The following SLIT2 variants were observed in gnomAD, a reference collection of about 807,000 sequenced individuals.
SLIT2 encodes the protein slit guidance ligand 2.
In SLIT2, 41 loss-of-function variants were observed where a neutral mutation model predicts 185.7. The ratio of observed to expected loss-of-function variants is 0.22; its 90% confidence interval spans 0.17 to 0.29. SLIT2 has a LOEUF of 0.29. Among genes scored for constraint, SLIT2 ranks in the 10% least tolerant of loss-of-function variants. The pLI, the probability that SLIT2 is intolerant of heterozygous loss-of-function variation, is 1.00. For synonymous variants in SLIT2, 693 were observed against 680.2 expected (o/e 1.02, Z -0.29); for missense variants, 1,571 against 1,909.0 (o/e 0.82, Z 3.30).
intron 4 of SLIT2, among the ~76,000 whole-genome samples, chr4:20,415,771 T>G (rs1016307772): frequency 2.0e-5 from 3 of 152,220 alleles, no homozygotes; most frequent in Non-Finnish European, 4.4e-5. Flanking sequence ...AGTTCATATG[T>G]AGAGTGATTC....
At chr4:20,312,771 C>CAAA (rs34372893) in intron 4 of SLIT2, among the ~76,000 whole-genome samples, 118 of 101,884 alleles carry the variant, frequency 1.2e-3, no homozygotes, top group African/African-American at 1.5e-3. Context: ...GACTTTGTCT[C>CAAA]AAAAAAAAAA....
At chr4:20,271,421 A>T (rs1713593378) in intron 4 of SLIT2, among the ~76,000 whole-genome samples, 2 of 146,894 alleles carry the variant, frequency 1.4e-5, no homozygotes, top group African/African-American at 4.9e-5. Context: ...TATACATAGT[A>T]TATATTTATA....
intron 4 of SLIT2, among the ~76,000 whole-genome samples, chr4:20,303,906 A>G (rs1397750776): frequency 6.6e-6 from 1 of 152,286 alleles, no homozygotes. Context: ...TAGGAGATGA[A>G]CCTTGGAAGG....
chr4:20,280,337 A>G lies in SLIT2; in HGVS notation c.395+11456A>G, dbSNP rs1319032710. ...GACAGAGCGAGACTCTGTCTCAAAA[A>G]AAAAAAAAAAAAAAGAACAACAACA... On this transcript the variant is annotated intron_variant, in intron 4 of 36. Transcript: ENST00000504154. 1.6e-4 allele frequency among the ~76,000 whole-genome samples: 24 copies of G among 151,030 alleles called. No individual in the cohort carries two copies. In the East Asian group the frequency reaches 4.1e-3, roughly 26 times the overall value.
chr4:20,472,126 T>A (rs535038492), intron 5 of SLIT2, among the ~76,000 whole-genome samples: 169 of 148,708 alleles, frequency 1.1e-3, no homozygotes, highest in African/African-American at 3.8e-3. Flanking sequence ...AAAACAAATA[T>A]GAATTAAGTA....
At chr4:20,539,270 C>A (rs1440515462) in intron 18 of SLIT2, among the ~76,000 whole-genome samples, 171 bp from the exon 19 acceptor site, 1 of 152,166 alleles carries the variant, frequency 6.6e-6, no homozygotes, top group Admixed American at 6.5e-5. Flanking sequence ...GCATTTTATT[C>A]TTGCAAGATA....
intron 4 of SLIT2, among the ~76,000 whole-genome samples, chr4:20,417,974 A>T (rs1246367185): frequency 6.6e-6 from 1 of 152,144 alleles, no homozygotes; most frequent in Non-Finnish European, 1.5e-5. Context: ...TCACCTTGTT[A>T]AATTTTCAGC....
At chr4:20,438,413 T>A (rs2148695556) in intron 4 of SLIT2, among the ~76,000 whole-genome samples, 1 of 152,274 alleles carries the variant, frequency 6.6e-6, no homozygotes, top group South Asian at 2.1e-4. Context: ...AGAGAGTTTG[T>A]GTGGCGAAAT....
intron 4 of SLIT2, among the ~76,000 whole-genome samples, chr4:20,410,972 G>A (rs151331389): frequency 2.0e-5 from 3 of 152,056 alleles, no homozygotes; most frequent in Admixed American, 6.6e-5. Context: ...TAGTTTAATA[G>A]GAATAGCATT....
intron 34 of SLIT2, 149 bp downstream of exon 34, chr4:20,610,316 G>A: frequency 1.6e-6 from 1 of 641,766 alleles, no homozygotes; most frequent in Admixed American, 3.5e-5. Flanking sequence ...AGACAGAACA[G>A]AAAGATCTCT....
intron 4 of SLIT2, among the ~76,000 whole-genome samples, chr4:20,346,851 G>A (rs1284760697): frequency 1.3e-5 from 2 of 152,250 alleles, no homozygotes; most frequent in Non-Finnish European, 2.9e-5. Context: ...GATGAAGACC[G>A]GAAGGATCAG....
chr4:20,395,356 CAGGTA>C (rs1423797861), intron 4 of SLIT2, among the ~76,000 whole-genome samples: 2 of 152,026 alleles, frequency 1.3e-5, no homozygotes, highest in Admixed American at 1.3e-4. Context: ...GCTGTTTTGT[CAGGTA>C]CCTGCAGGGG....
rs1716601432 is a variant in SLIT2 at position 20,480,593 on chromosome 4, G to T, written c.468-123G>T. On this transcript the variant is annotated intron_variant, in intron 5 of 36. Coordinates refer to ENST00000504154, the MANE Select transcript of SLIT2 (RefSeq NM_004787.4). ...TTATGACATTCGTAAGCAGATGAGT[G>T]TGTTTGTGAGGGCACTTCAGTGAGT... is the stretch of plus-strand genomic sequence containing the variant. 8 of 656,598 alleles carry T rather than the reference G, an allele frequency of 1.2e-5. No homozygotes were observed. In the South Asian group the frequency reaches 1.5e-4, roughly 12 times the overall value. The allele number at this position is 656,598 out of a possible 1,614,324, so 40.7% of individuals were successfully genotyped here. A position where few individuals can be genotyped will look rare whatever the true frequency, so the allele number is the denominator to read the frequency against.
At chr4:20,282,893 TA>T (rs1235605432) in intron 4 of SLIT2, among the ~76,000 whole-genome samples, 4 of 152,194 alleles carry the variant, frequency 2.6e-5, no homozygotes, top group South Asian at 2.1e-4. Context: ...TGACATATAT[TA>T]TTTTTTTTGT....
chr4:20,329,366 G>T (rs781655176), intron 4 of SLIT2, among the ~76,000 whole-genome samples: 12 of 151,814 alleles, frequency 7.9e-5, no homozygotes, highest in Non-Finnish European at 1.3e-4. Context: ...TAAAATATAT[G>T]ATTTATAATC....
At chr4:20,455,423 A>C (rs1017536127) in intron 4 of SLIT2, among the ~76,000 whole-genome samples, 4 of 152,184 alleles carry the variant, frequency 2.6e-5, no homozygotes, top group Non-Finnish European at 4.4e-5. Flanking sequence ...CTCTTATTAC[A>C]CTAAGAAATA....
At chr4:20,309,280 A>G (rs1243117956) in intron 4 of SLIT2, among the ~76,000 whole-genome samples, 4 of 152,158 alleles carry the variant, frequency 2.6e-5, no homozygotes, top group Admixed American at 2.6e-4. Context: ...TTAAATAAGA[A>G]CACCAATTAT....
At chr4:20,516,032 G>A (rs1373533847) in intron 11 of SLIT2, among the ~76,000 whole-genome samples, 3 of 152,200 alleles carry the variant, frequency 2.0e-5, no homozygotes, top group Non-Finnish European at 4.4e-5. Context: ...GGCCAGGCTG[G>A]TCTTGAACTC....
chr4:20,441,290 G>A lies in SLIT2; in HGVS notation c.396-26462G>A, dbSNP rs13136925. On this transcript the variant is annotated intron_variant, in intron 4 of 36. Transcript: ENST00000504154. ...TAAGCTCATACATTTCGTGCTTGTG[G>A]CACAGGATACTGTTTTCTTAACATC... Among the ~76,000 whole-genome samples the A allele has an allele frequency of 4.1e-3, 621 of 152,170 alleles. 1 individual carries two copies. Among genetic ancestry groups the A allele is most frequent in the Non-Finnish European group, 6.6e-3 (448 of 68,018 alleles).
Sources: gnomAD v4.1 joint callset for allele counts (sites outside exome capture counted in the v4.1 genomes callset) on GRCh38, gnomAD v4.1.1 for gene constraint, MANE v1.5 for transcripts, NCBI Gene and HGNC (gene_info 2026-07-23, HGNC 2026-07-21) for gene names.